The following SEM1 variants were observed in gnomAD, a reference collection of about 807,000 sequenced individuals.
SEM1 encodes SEM1 26S proteasome subunit.
A neutral mutation model predicts 12.7 loss-of-function variants in SEM1; 3 were observed. That is an observed-to-expected ratio of 0.24 (90% CI 0.11 to 0.61). SEM1 has a LOEUF of 0.61. Among genes scored for constraint, SEM1 ranks in the 20% least tolerant of loss-of-function variants. The pLI is 0.88. For synonymous variants in SEM1, 30 were observed against 27.8 expected (o/e 1.08, Z -0.25); for missense variants, 59 against 81.3 (o/e 0.73, Z 1.06).
At chr7:96,704,276 CGTT>C (rs1790375176) in intron 1 of SEM1, among the ~76,000 whole-genome samples, 2 of 151,922 alleles carry the variant, frequency 1.3e-5, no homozygotes, top group African/African-American at 2.4e-5. Context: ...AAACATTTAA[CGTT>C]GGTTATCACT....
At chr7:96,573,263 T>C (rs1004230329) in intron 2 of SEM1, among the ~76,000 whole-genome samples, 3 of 152,236 alleles carry the variant, frequency 2.0e-5, no homozygotes, top group African/African-American at 7.2e-5. Flanking sequence ...TGTCTTTTAA[T>C]TGGGGCATTT....
rs1026214416 is a variant in SEM1 at position 96,707,076 on chromosome 7, T to C, written c.76+2612A>G. Reference sequence around the variant, plus strand: ...AAGTAATACTTTTCAAACTTTAATGTTTTTTCAAACATCTCTCTTAGGAAT... The same window carrying C: ...AAGTAATACTTTTCAAACTTTAATGCTTTTTCAAACATCTCTCTTAGGAAT... On this transcript the variant is annotated intron_variant, in intron 1 of 2. Transcript: ENST00000248566. Among the ~76,000 whole-genome samples the C allele has an allele frequency of 2.6e-5, 4 of 152,296 alleles. No individual in the cohort carries two copies. In the South Asian group the frequency reaches 8.3e-4, roughly 32 times the overall value.
At chr7:96,690,342 C>G (rs1789890174) in intron 2 of SEM1, among the ~76,000 whole-genome samples, 1 of 151,988 alleles carries the variant, frequency 6.6e-6, no homozygotes, top group Admixed American at 6.6e-5. Context: ...ATTGGCTTTC[C>G]TAATGGGAGG....
At chr7:96,554,777 GT>G (rs751395855) in intron 2 of SEM1, among the ~76,000 whole-genome samples, 2 of 151,428 alleles carry the variant, frequency 1.3e-5, no homozygotes, top group Admixed American at 1.3e-4. Context: ...AATGGTACCA[GT>G]TCCTCCTTGT....
chr7:96,557,734 CG>C (rs949970052), intron 2 of SEM1, among the ~76,000 whole-genome samples: 10 of 145,680 alleles, frequency 6.9e-5, no homozygotes, highest in African/African-American at 2.2e-4. Context: ...TGGAGCTTCC[CG>C]GCTGCTTTGT....
rs1808546669 is a variant in SEM1, at chr7:96,640,133, A to G, written c.171-17490T>C. ...CTGCTGTAATGAATACAAATGCAAAATGGAACAGCCACTTTGGGAGACAGT... is the reference window on the plus strand; with the variant it reads ...CTGCTGTAATGAATACAAATGCAAAGTGGAACAGCCACTTTGGGAGACAGT... On this transcript the variant is annotated intron_variant, in intron 2 of 2. Transcript: ENST00000417009. This position sits in a 1 kb window ranked among gnomAD's most constrained non-coding sequence, Gnocchi z 4.0. Among the ~76,000 whole-genome samples, 1 of 152,020 alleles carries G rather than the reference A, an allele frequency of 6.6e-6. No homozygotes were observed. Among genetic ancestry groups the G allele is most frequent in the African/African-American group, 2.4e-5 (1 of 41,426 alleles).
At chr7:96,643,803 CAG>C (rs919720101) in intron 2 of SEM1, among the ~76,000 whole-genome samples, 16 of 151,926 alleles carry the variant, frequency 1.1e-4, no homozygotes, top group Non-Finnish European at 1.9e-4. Flanking sequence ...CAGGGCCTGT[CAG>C]GGGGTGGGGG....
At chr7:96,515,964 A>G (rs1804082769) in intron 2 of SEM1, among the ~76,000 whole-genome samples, 2 of 152,118 alleles carry the variant, frequency 1.3e-5, no homozygotes, top group South Asian at 4.1e-4. Flanking sequence ...AACATGGCAC[A>G]TGTATACCTA....
chr7:96,489,459 A>G (rs1041463383), intron 1 of SEM1, among the ~76,000 whole-genome samples: 38 of 152,154 alleles, frequency 2.5e-4, no homozygotes, highest in African/African-American at 8.4e-4. Context: ...GAAAGCCACC[A>G]ATCTAGAGTG....
At chr7:96,613,958 T>A (rs1258928291) in intron 2 of SEM1, among the ~76,000 whole-genome samples, 2 of 152,244 alleles carry the variant, frequency 1.3e-5, no homozygotes, top group Non-Finnish European at 2.9e-5. Flanking sequence ...CAATGGGCAC[T>A]TCCATAGTTT....
chr7:96,575,417 G>A (rs1041751879), intron 2 of SEM1, among the ~76,000 whole-genome samples: 21 of 152,294 alleles, frequency 1.4e-4, no homozygotes, highest in African/African-American at 4.6e-4. Flanking sequence ...CTGCTGGGAG[G>A]TGTCTCCCAG....
intron 2 of SEM1, among the ~76,000 whole-genome samples, chr7:96,604,589 G>A (rs546709176): frequency 1.4e-4 from 22 of 152,156 alleles, no homozygotes; most frequent in African/African-American, 5.3e-4. Context: ...GGGTCATCTA[G>A]TGTATGGTGA....
intron 2 of SEM1, among the ~76,000 whole-genome samples, chr7:96,514,194 C>T (rs1280369366): frequency 6.6e-6 from 1 of 152,068 alleles, no homozygotes; most frequent in African/African-American, 2.4e-5. Flanking sequence ...TGCTTAACGT[C>T]TTGAAAAAAA....
chr7:96,601,116 A>G (rs1807185590), intron 2 of SEM1, among the ~76,000 whole-genome samples: 1 of 152,138 alleles, frequency 6.6e-6, no homozygotes, highest in Non-Finnish European at 1.5e-5. Flanking sequence ...TGGCCCACAC[A>G]CTTTGTATTT....
At chr7:96,591,411 C>T (rs1323099361) in intron 2 of SEM1, among the ~76,000 whole-genome samples, 1 of 152,156 alleles carries the variant, frequency 6.6e-6, no homozygotes, top group Non-Finnish European at 1.5e-5. Flanking sequence ...AGCACATCTG[C>T]CTCCCTCTAA....
At chr7:96,648,254 T>C (rs957815477) in intron 2 of SEM1, among the ~76,000 whole-genome samples, 1 of 152,102 alleles carries the variant, frequency 6.6e-6, no homozygotes, top group Non-Finnish European at 1.5e-5. Flanking sequence ...TAGCAGGATA[T>C]AGGTGGAGAA....
intron 2 of SEM1, among the ~76,000 whole-genome samples, chr7:96,659,864 G>A (rs1369877263): frequency 1.7e-5 from 2 of 120,106 alleles, no homozygotes; most frequent in African/African-American, 6.2e-5. Context: ...ATGATACATA[G>A]AAGAATCAGA....
chr7:96,550,740 A>G (rs1805242923), intron 2 of SEM1, among the ~76,000 whole-genome samples: 1 of 152,340 alleles, frequency 6.6e-6, no homozygotes, highest in South Asian at 2.1e-4. Context: ...TAAGTTAGTA[A>G]GGCAGGATCA....
At chr7:96,572,975 G>T (rs548479573) in intron 2 of SEM1, among the ~76,000 whole-genome samples, 1 of 152,264 alleles carries the variant, frequency 6.6e-6, no homozygotes, top group East Asian at 1.9e-4. Flanking sequence ...CCTGTATAGG[G>T]TGCATATATA....
Sources: allele counts gnomAD v4.1 joint callset (sites outside exome capture counted in the v4.1 genomes callset), GRCh38; gene constraint gnomAD v4.1.1; non-coding constraint Gnocchi (gnomAD v3.1); transcripts MANE v1.5; gene names NCBI Gene and HGNC (gene_info 2026-07-23, HGNC 2026-07-21).